Variants in CSMD1 observed in about 807,000 individuals in gnomAD.
The protein encoded by CSMD1 is CUB and Sushi multiple domains 1, also known as CUB and sushi domain-containing protein 1.
A neutral mutation model predicts 417.5 loss-of-function variants in CSMD1; 213 were observed. The ratio of observed to expected loss-of-function variants is 0.51; its 90% CI spans 0.46 to 0.57. CSMD1 has a LOEUF of 0.57. Ranked by LOEUF, CSMD1 falls within the 20% of genes least tolerant of loss-of-function variation. CSMD1 has a pLI of 0.00. For missense variants in CSMD1, 6,923 were observed against 4,529.7 expected (o/e 1.53, Z -15.17); for synonymous variants, 2,862 against 1,736.8 (o/e 1.65, Z -16.11).
chr8:4,318,293 A>C (rs1033036093), intron 3 of CSMD1, among the ~76,000 whole-genome samples: 1 of 152,098 alleles, frequency 6.6e-6, no homozygotes. Flanking sequence ...TTACTTTCTA[A>C]TCTTTGCAGA....
chr8:4,740,784 T>A (rs1451994443), intron 1 of CSMD1, among the ~76,000 whole-genome samples: 1 of 152,150 alleles, frequency 6.6e-6, no homozygotes, highest in Non-Finnish European at 1.5e-5. Context: ...CTCTTAGGTA[T>A]ATTTTCAAAG....
At chr8:4,429,927 C>T (rs2128946231) in intron 2 of CSMD1, among the ~76,000 whole-genome samples, 1 of 152,196 alleles carries the variant, frequency 6.6e-6, no homozygotes, top group Middle Eastern at 3.4e-3. Flanking sequence ...TCAGTGGTCA[C>T]CCATCAGGGA....
At chr8:4,170,520 G>A (rs1290758399) in intron 3 of CSMD1, among the ~76,000 whole-genome samples, 3 of 151,852 alleles carry the variant, frequency 2.0e-5, no homozygotes, top group Non-Finnish European at 1.5e-5. Flanking sequence ...TTAAGTAGAG[G>A]TAAAGTCTAT....
intron 3 of CSMD1, among the ~76,000 whole-genome samples, chr8:4,328,652 T>G (rs992098747): frequency 1.3e-5 from 2 of 152,060 alleles, no homozygotes; most frequent in African/African-American, 2.4e-5. Flanking sequence ...TAACATCACT[T>G]TTTCTCTTTG....
At chr8:3,971,565 AATT>A in intron 5 of CSMD1, among the ~76,000 whole-genome samples, 1 of 152,198 alleles carries the variant, frequency 6.6e-6, no homozygotes, top group Non-Finnish European at 1.5e-5. Context: ...AAAATTAAAA[AATT>A]AATACCATAA....
intron 8 of CSMD1, among the ~76,000 whole-genome samples, chr8:3,615,760 G>A (rs1220855423): frequency 1.3e-5 from 2 of 151,650 alleles, no homozygotes; most frequent in South Asian, 2.1e-4. Flanking sequence ...ACCTTTTTTT[G>A]GATTTTTTTC....
chr8:3,521,556 T>C (rs1797509506), intron 10 of CSMD1, among the ~76,000 whole-genome samples: 2 of 152,184 alleles, frequency 1.3e-5, no homozygotes, highest in Non-Finnish European at 2.9e-5. Context: ...CATAAGTTAC[T>C]CCCAAGTTGG....
intron 12 of CSMD1, among the ~76,000 whole-genome samples, chr8:3,410,891 A>C (rs1431240211): frequency 1.3e-5 from 2 of 152,074 alleles, no homozygotes; most frequent in East Asian, 3.9e-4. Flanking sequence ...GATGATGGGT[A>C]ATTTAACACA....
chr8:3,757,968 C>A (rs1563347481), intron 5 of CSMD1, among the ~76,000 whole-genome samples: 1 of 152,040 alleles, frequency 6.6e-6, no homozygotes, highest in Non-Finnish European at 1.5e-5. Context: ...AAGTCCTGCA[C>A]AAATTCCTTT....
intron 1 of CSMD1, among the ~76,000 whole-genome samples, chr8:4,952,066 A>G (rs1808789616): frequency 6.6e-6 from 1 of 151,700 alleles, no homozygotes; most frequent in Admixed American, 6.6e-5. Context: ...ACGTAATTGT[A>G]AGCAAATATG....
chr8:3,853,532 A>G (rs1004212288), intron 5 of CSMD1, among the ~76,000 whole-genome samples: 3 of 152,280 alleles, frequency 2.0e-5, no homozygotes, highest in African/African-American at 7.2e-5. Context: ...TGTTACTAGA[A>G]GATGCTCAAT....
intron 1 of CSMD1, among the ~76,000 whole-genome samples, chr8:4,725,987 A>G (rs1292575229): frequency 1.3e-5 from 2 of 152,266 alleles, no homozygotes; most frequent in South Asian, 2.1e-4. Context: ...GAATTTTGGT[A>G]TCACGAACTA....
At chr8:3,376,280 A>G (rs1810296535) in intron 18 of CSMD1, among the ~76,000 whole-genome samples, 1 of 152,096 alleles carries the variant, frequency 6.6e-6, no homozygotes, top group Non-Finnish European at 1.5e-5. Context: ...GCCTGCAAGT[A>G]TGGATGAAAA....
chr8:3,496,227 C>G (rs942207714), intron 10 of CSMD1, among the ~76,000 whole-genome samples: 1 of 152,204 alleles, frequency 6.6e-6, no homozygotes, highest in South Asian at 2.1e-4. Flanking sequence ...TATGGCTCCA[C>G]TGCCGACTCT....
At chr8:4,907,624 A>G (rs1805383002) in intron 1 of CSMD1, among the ~76,000 whole-genome samples, 1 of 152,142 alleles carries the variant, frequency 6.6e-6, no homozygotes, top group African/African-American at 2.4e-5. Flanking sequence ...CAGTGGCAAA[A>G]ACATGGCTCA....
rs1798401525 is a variant in CSMD1 at position 4,051,116 on chromosome 8, GAAAAAGAAAA to G, written c.416-19027_416-19018del. ...CATCTTTATTGAAAGGGAGAACCAGGAAAAAGAAAAGAAAAGAAAAGAAAAAAGACCAGGA... is the reference window on the plus strand; with the variant it reads ...CATCTTTATTGAAAGGGAGAACCAGGGAAAAGAAAAGAAAAAAGACCAGGA... On this transcript the variant is annotated intron_variant, in intron 3 of 69. Transcript: ENST00000635120. Among the ~76,000 whole-genome samples, 3 of 151,056 alleles carry G rather than the reference GAAAAAGAAAA, an allele frequency of 2.0e-5. No homozygotes were observed. In the South Asian group the frequency reaches 6.3e-4, roughly 32 times the overall value.
rs575337424 is a variant in CSMD1, at chr8:4,479,129, A to T, written c.303-59064T>A. The stretch of plus-strand genomic sequence containing the variant: ...TATTTTCTGGCATAGAGAAAATTAC[A>T]ATTCTTTAATAAGGTTAATTTATAA... On this transcript the variant is annotated intron_variant, in intron 2 of 69. Transcript: ENST00000635120. 1.2e-4 allele frequency among the ~76,000 whole-genome samples: 19 copies of T among 152,312 alleles called. No individual in the cohort carries two copies. In the South Asian group the frequency reaches 3.9e-3, roughly 32 times the overall value.
At chr8:4,057,101 G>C (rs1463762277) in intron 3 of CSMD1, among the ~76,000 whole-genome samples, 1 of 152,170 alleles carries the variant, frequency 6.6e-6, no homozygotes. Context: ...GATCCCTGAG[G>C]AATCGCCACA....
intron 40 of CSMD1, among the ~76,000 whole-genome samples, chr8:3,150,894 T>C (rs954540144): frequency 1.3e-5 from 2 of 152,214 alleles, no homozygotes; most frequent in Non-Finnish European, 2.9e-5. Flanking sequence ...TAACCTAAAA[T>C]GTTAATAACT....
Sources: gnomAD v4.1 joint callset for allele counts (sites outside exome capture counted in the v4.1 genomes callset) on GRCh38, gnomAD v4.1.1 for gene constraint, MANE v1.5 for transcripts, NCBI Gene and HGNC (gene_info 2026-07-23, HGNC 2026-07-21) for gene names.